Variants in HEG1 observed in about 807,000 individuals in gnomAD.
HEG1 encodes the protein protein HEG homolog 1.
In HEG1, 56 loss-of-function variants were observed where a neutral mutation model predicts 125.6. That is an observed-to-expected ratio of 0.45 (90% confidence interval 0.36 to 0.56). The LOEUF is 0.56. Among genes scored for constraint, HEG1 ranks in the 20% least tolerant of loss-of-function variants. HEG1 has a pLI of 0.00. For missense variants in HEG1, 1,523 were observed against 1,670.0 expected (o/e 0.91, Z 1.53); for synonymous variants, 644 against 668.5 (o/e 0.96, Z 0.57).
intron 14 of HEG1, among the ~76,000 whole-genome samples, chr3:124,981,759 A>G (rs901706052): frequency 1.3e-5 from 2 of 152,212 alleles, no homozygotes; most frequent in African/African-American, 4.8e-5. Flanking sequence ...AAATGTTTGC[A>G]CAAGTTAGCA....
chr3:125,039,293 C>T (rs1475170104), intron 1 of HEG1, among the ~76,000 whole-genome samples: 1 of 152,124 alleles, frequency 6.6e-6, no homozygotes, highest in Non-Finnish European at 1.5e-5. Flanking sequence ...AATAGGATTT[C>T]CTAATTAGCA....
chr3:125,050,481 C>A (rs1022725530), intron 1 of HEG1, among the ~76,000 whole-genome samples: 1 of 152,184 alleles, frequency 6.6e-6, no homozygotes, highest in Non-Finnish European at 1.5e-5. Context: ...TCCCAGTCAA[C>A]TTTCAAAGTT....
chr3:125,041,597 T>C (rs1320353121), intron 1 of HEG1, among the ~76,000 whole-genome samples: 1 of 152,118 alleles, frequency 6.6e-6, no homozygotes, highest in Non-Finnish European at 1.5e-5. Context: ...CACTTCTGGG[T>C]CTATATGCAA....
intron 12 of HEG1, among the ~76,000 whole-genome samples, chr3:124,993,584 G>A (rs570241465): frequency 6.6e-5 from 10 of 152,300 alleles, no homozygotes; most frequent in South Asian, 4.1e-4. Flanking sequence ...GATGGCTAAC[G>A]CTGCGGGGCA....
intron 5 of HEG1, 64 bp downstream of exon 5, chr3:125,019,198 T>G: frequency 7.3e-7 from 1 of 1,376,178 alleles, no homozygotes; most frequent in Non-Finnish European, 1.0e-6. Flanking sequence ...GCCACAGATT[T>G]CATAAGCATC....
intron 14 of HEG1, among the ~76,000 whole-genome samples, chr3:124,981,205 C>T (rs1329027227): frequency 6.6e-6 from 1 of 150,716 alleles, no homozygotes; most frequent in East Asian, 1.9e-4. Flanking sequence ...TCCCCACAGG[C>T]ACCAACTATC....
intron 1 of HEG1, among the ~76,000 whole-genome samples, chr3:125,054,845 T>C (rs1276181225): frequency 6.6e-6 from 1 of 152,170 alleles, no homozygotes; most frequent in African/African-American, 2.4e-5. Context: ...AGAATTCCAC[T>C]CAGTATGTGG....
intron 12 of HEG1, among the ~76,000 whole-genome samples, chr3:124,992,695 A>AGCAG: frequency 6.6e-6 from 1 of 152,286 alleles, no homozygotes; most frequent in South Asian, 2.1e-4. Context: ...TCTTCCTCCT[A>AGCAG]CTTTCTTAAT....
At chr3:125,021,204 T>A in intron 3 of HEG1, 74 bp from the exon 4 acceptor site, 1 of 1,168,862 alleles carries the variant, frequency 8.6e-7, no homozygotes, top group Non-Finnish European at 1.2e-6. Flanking sequence ...GAGATACAAA[T>A]GACGTTTCTT....
rs570981173 is a variant in HEG1 at position 125,001,903 on chromosome 3, A to G, written c.3466T>C (p.Ser1156Pro). The G allele has an allele frequency of 1.2e-6, 2 of 1,613,800 alleles. No homozygotes were observed. The highest frequency in any genetic ancestry group is 2.7e-5 in the African/African-American group (2 of 75,044). ...RMQKCVNSCK[S>P]SAEVCQLLGS... Reference sequence around the variant, plus strand: ...AAGAGCTGGCAGACCTCAGCAGAGGACTTGCAGGAGTTGACACATTTCTGC... The same window carrying G: ...AAGAGCTGGCAGACCTCAGCAGAGGGCTTGCAGGAGTTGACACATTTCTGC... Residue 1156 changes from serine to proline, a missense_variant, in exon 11 of 17, where the codon TCC becomes CCC. Transcript: ENST00000311127.
intron 1 of HEG1, among the ~76,000 whole-genome samples, chr3:125,047,742 A>G (rs1410941602): frequency 6.6e-6 from 1 of 152,160 alleles, no homozygotes; most frequent in Non-Finnish European, 1.5e-5. Context: ...AACATATGAT[A>G]ATCACTAGTC....
At chr3:125,019,819 C>G (rs937728822) in intron 4 of HEG1, among the ~76,000 whole-genome samples, 1 of 152,142 alleles carries the variant, frequency 6.6e-6, no homozygotes, top group African/African-American at 2.4e-5. Context: ...GAACAGGGGA[C>G]CTTTGAAATA....
Position 125,014,624 on chromosome 3 carries a change from G to C in HEG1, c.1589-634C>G, listed in dbSNP as rs1325506972. The C allele has an allele frequency of 4.6e-6, 5 of 1,092,538 alleles. No individual in the cohort carries two copies. In the African/African-American group the frequency reaches 6.6e-5, roughly 14 times the overall value. The allele number at this position is 1,092,538 out of a possible 1,614,324, so 67.7% of individuals were successfully genotyped here. A position where few individuals can be genotyped will look rare whatever the true frequency, so the allele number is the denominator to read the frequency against. ...GAGCTTGTAAGGCACTTTCTGGCTTGACAGCTAACTGAATCATCCCAGGAC... is the reference window on the plus strand; with the variant it reads ...GAGCTTGTAAGGCACTTTCTGGCTTCACAGCTAACTGAATCATCCCAGGAC... On this transcript the variant is annotated intron_variant, in intron 5 of 16. Coordinates refer to ENST00000311127, the MANE Select transcript of HEG1 (RefSeq NM_020733.2).
chr3:125,000,165 C>T (rs148120170), intron 11 of HEG1, among the ~76,000 whole-genome samples: 169 of 152,212 alleles, frequency 1.1e-3, no homozygotes, highest in African/African-American at 2.5e-3. Flanking sequence ...TTTGTTCTCA[C>T]GGGCTCTGAA....
chr3:125,019,651 T>C (rs1937307548), intron 4 of HEG1, 54 bp from the exon 5 acceptor site: 2 of 1,436,488 alleles, frequency 1.4e-6, no homozygotes, highest in Non-Finnish European at 1.9e-6. Context: ...AAGAGATCCC[T>C]TGGCAACTAA....
rs141151418 is a variant in HEG1 at position 125,010,721 on chromosome 3, T to G, written c.2957-166A>C. 3.1e-3 allele frequency among the ~76,000 whole-genome samples: 478 copies of G among 152,340 alleles called. 2 individuals are homozygous for G. The highest frequency in any genetic ancestry group is 0.01 in the African/African-American group (430 of 41,578). On this transcript the variant is annotated intron_variant, in intron 6 of 16. Transcript: ENST00000311127. Reference sequence around the variant, plus strand: ...GTAAAATGGGTTTCCCAGAGGTGCATTGGGACTGGGTCCTGGTACTAGCTT... The same window carrying G: ...GTAAAATGGGTTTCCCAGAGGTGCAGTGGGACTGGGTCCTGGTACTAGCTT...
intron 1 of HEG1, 136 bp downstream of exon 1, chr3:125,055,439 C>A: frequency 2.0e-6 from 1 of 506,976 alleles, no homozygotes; most frequent in Non-Finnish European, 2.8e-6. Flanking sequence ...CCCTCAGGGT[C>A]CCGCACACGC....
At chr3:125,045,483 C>T (rs534136468) in intron 1 of HEG1, among the ~76,000 whole-genome samples, 2 of 152,244 alleles carry the variant, frequency 1.3e-5, no homozygotes, top group African/African-American at 4.8e-5. Flanking sequence ...GTTCACTGAA[C>T]CGAGGGGGAG....
chr3:124,983,130 T>A (rs1025583852), intron 14 of HEG1, among the ~76,000 whole-genome samples: 1 of 152,198 alleles, frequency 6.6e-6, no homozygotes, highest in African/African-American at 2.4e-5. Flanking sequence ...ATGCCAGGAT[T>A]CTTCCAATAA....
Sources: gnomAD v4.1 joint callset for allele counts (sites outside exome capture counted in the v4.1 genomes callset) on GRCh38, gnomAD v4.1.1 for gene constraint, MANE v1.5 for transcripts, NCBI Gene and HGNC (gene_info 2026-07-23, HGNC 2026-07-21) for gene names.